FGF1: variants seen among roughly 807,000 people sequenced by gnomAD.
FGF1 encodes fibroblast growth factor 1, also known as beta-endothelial cell growth factor.
FGF1 carries 9 observed loss-of-function variants against 13.4 expected under a neutral mutation model. That is an observed-to-expected ratio of 0.67 (90% CI 0.40 to 1.17). FGF1 has a LOEUF of 1.17. Ranked by LOEUF, FGF1 falls within the 50% of genes most tolerant of loss-of-function variation. The probability of loss-of-function intolerance (pLI) is 0.01; values close to 1 mark genes in which losing one functional copy is unlikely to be tolerated. For missense variants in FGF1, 156 were observed against 192.7 expected (o/e 0.81, Z 1.13); for synonymous variants, 93 against 79.0 (o/e 1.18, Z -0.94).
At chr5:142,621,399 C>T (rs1287404269) in intron 1 of FGF1, 1 of 151,900 alleles carries the variant, frequency 6.6e-6, no homozygotes, top group African/African-American at 2.4e-5. Flanking sequence ...TCCTTCCCTC[C>T]TTTCCTCCAC....
intron 1 of FGF1, among the ~76,000 whole-genome samples, chr5:142,624,930 T>C (rs1029934079): frequency 2.6e-5 from 4 of 152,234 alleles, no homozygotes; most frequent in African/African-American, 9.6e-5. Flanking sequence ...ATAATACTTA[T>C]ATAATCTGGT....
rs563596271 is a variant in FGF1 at position 142,643,536 on chromosome 5, T to A, written c.-34-29375A>T. ...AATACCCTGAGTTACTGGCTAAAGT[T>A]CCTCACTCAAGTCTCCCTCTAGGAA... On this transcript the variant is annotated intron_variant, in intron 1 of 3. Transcript: ENST00000337706. 4.6e-5 allele frequency among the ~76,000 whole-genome samples: 7 copies of A among 152,320 alleles called. No homozygotes were observed. The South Asian group carries it at 1.2e-3, about 27-fold the overall frequency.
In FGF1 at chr5:142,675,014, G is replaced by A. The variant is rs112677497; in HGVS notation, c.-35+10943C>T. Among the ~76,000 whole-genome samples, 327 of 152,220 alleles carry A rather than the reference G, an allele frequency of 2.1e-3. 1 individual carries two copies. The highest frequency in any genetic ancestry group is 7.2e-3 in the African/African-American group (301 of 41,544). Reference sequence around the variant, plus strand: ...CAGCCAGGGATCCCAAGGTGAAGCCGCCCTCCAAAGGCTTGGCTTGGTTCA... The same window carrying A: ...CAGCCAGGGATCCCAAGGTGAAGCCACCCTCCAAAGGCTTGGCTTGGTTCA... On this transcript the variant is annotated intron_variant, in intron 1 of 3. Transcript: ENST00000337706.
chr5:142,605,830 T>C (rs1395191969), intron 2 of FGF1, among the ~76,000 whole-genome samples: 1 of 152,122 alleles, frequency 6.6e-6, no homozygotes, highest in Non-Finnish European at 1.5e-5. Flanking sequence ...GCTGGCTTGG[T>C]GTCCAGCTCT....
intron 1 of FGF1, among the ~76,000 whole-genome samples, chr5:142,679,176 G>A (rs762683654): frequency 1.3e-5 from 2 of 152,066 alleles, no homozygotes; most frequent in Admixed American, 6.5e-5. Flanking sequence ...GTCTGACCCC[G>A]CCTGCTTCTT....
At chr5:142,603,847 G>A (rs527789021) in intron 2 of FGF1, among the ~76,000 whole-genome samples, 3 of 152,166 alleles carry the variant, frequency 2.0e-5, no homozygotes, top group Middle Eastern at 3.4e-3. Context: ...GGGTATTTGC[G>A]CTCAGTCTCC....
At chr5:142,675,702 G>C (rs1031118424) in intron 1 of FGF1, among the ~76,000 whole-genome samples, 5 of 152,166 alleles carry the variant, frequency 3.3e-5, no homozygotes, top group African/African-American at 9.7e-5. Context: ...CCCCACCCAA[G>C]GTCACCCAAC....
intron 1 of FGF1, among the ~76,000 whole-genome samples, chr5:142,619,765 G>A (rs997103402): frequency 9.9e-5 from 15 of 151,926 alleles, no homozygotes; most frequent in East Asian, 3.9e-4. Flanking sequence ...CCCGGGAGGC[G>A]GAGGTTGTGA....
intron 1 of FGF1, among the ~76,000 whole-genome samples, chr5:142,641,661 C>T (rs1311837468): frequency 6.6e-6 from 1 of 151,978 alleles, no homozygotes; most frequent in Non-Finnish European, 1.5e-5. Flanking sequence ...TTTGTTATCT[C>T]ATGATTTATT....
chr5:142,676,694 T>A (rs1026978941), intron 1 of FGF1, among the ~76,000 whole-genome samples: 6 of 152,206 alleles, frequency 3.9e-5, no homozygotes, highest in African/African-American at 1.4e-4. Flanking sequence ...TCTTCTTCTG[T>A]GTGAGCTAGC....
chr5:142,665,182 A>G (rs1283780337), intron 1 of FGF1, among the ~76,000 whole-genome samples: 3 of 152,142 alleles, frequency 2.0e-5, no homozygotes, highest in Non-Finnish European at 2.9e-5. Context: ...CAAAAAATAA[A>G]AAACAAAACT....
chr5:142,623,347 C>CT (rs34106306), intron 1 of FGF1, among the ~76,000 whole-genome samples: 4,231 of 144,756 alleles, frequency 0.029, 157 homozygotes, highest in African/African-American at 0.092. Context: ...CCTTTTGACA[C>CT]TTTTTTTTTT....
At chr5:142,690,850 C>T (rs1423091550), upstream of FGF1, among the ~76,000 whole-genome samples, 1 of 152,214 alleles carries the variant, frequency 6.6e-6, no homozygotes, top group Non-Finnish European at 1.5e-5. Flanking sequence ...ACTCATTGCT[C>T]ACCGTGCTCC....
chr5:142,636,863 G>A (rs1033013876), intron 1 of FGF1, among the ~76,000 whole-genome samples: 1 of 152,018 alleles, frequency 6.6e-6, no homozygotes, highest in African/African-American at 2.4e-5. Flanking sequence ...GCAGGGCCAG[G>A]CTACACAGGG....
intron 1 of FGF1, among the ~76,000 whole-genome samples, chr5:142,619,797 C>T (rs1248603030): frequency 6.6e-6 from 1 of 150,982 alleles, no homozygotes; most frequent in Non-Finnish European, 1.5e-5. Flanking sequence ...TGTGGCATTG[C>T]ACTCCAGCCT....
At chr5:142,634,208 A>C (rs1442872498) in intron 1 of FGF1, among the ~76,000 whole-genome samples, 1 of 151,762 alleles carries the variant, frequency 6.6e-6, no homozygotes, top group East Asian at 1.9e-4. Context: ...AAAAAAAAAA[A>C]AAAAACTCCC....
At chr5:142,633,833 A>G (rs939601153) in intron 1 of FGF1, among the ~76,000 whole-genome samples, 9 of 152,074 alleles carry the variant, frequency 5.9e-5, no homozygotes, top group African/African-American at 2.2e-4. Flanking sequence ...CACTCCTGGC[A>G]TCTGTTCAAA....
intron 1 of FGF1, among the ~76,000 whole-genome samples, chr5:142,682,411 GAAT>G (rs368064975): frequency 7.9e-5 from 12 of 151,882 alleles, no homozygotes; most frequent in Non-Finnish European, 8.8e-5. Flanking sequence ...ATTCACCTTT[GAAT>G]AATAATAATA....
At chr5:142,618,257 T>TA (rs1231674312) in intron 1 of FGF1, among the ~76,000 whole-genome samples, 2 of 152,156 alleles carry the variant, frequency 1.3e-5, no homozygotes, top group African/African-American at 4.8e-5. Context: ...ACATCTGTGT[T>TA]AAGGCTGACA....
Sources: allele counts gnomAD v4.1 joint callset (sites outside exome capture counted in the v4.1 genomes callset), GRCh38; gene constraint gnomAD v4.1.1; transcripts MANE v1.5; gene names NCBI Gene and HGNC (gene_info 2026-07-23, HGNC 2026-07-21).